Variants in PLEKHG1 observed in about 807,000 individuals in gnomAD.
PLEKHG1 encodes pleckstrin homology domain-containing family G member 1.
A neutral mutation model predicts 100.8 loss-of-function variants in PLEKHG1; 44 were observed. That is an observed-to-expected ratio of 0.44 (90% CI 0.34 to 0.56). PLEKHG1 has a LOEUF of 0.56. Ranked by LOEUF, PLEKHG1 falls within the 20% of genes least tolerant of loss-of-function variation. The pLI, the probability that PLEKHG1 is intolerant of heterozygous loss-of-function variation, is 0.01. For synonymous variants in PLEKHG1, 640 were observed against 662.5 expected, an observed-to-expected ratio of 0.97 and a Z score of 0.52; for missense variants, 1,545 against 1,720.9, an observed-to-expected ratio of 0.90 and a Z score of 1.81.
chr6:150,653,462 G>T (rs991806945), intron 3 of PLEKHG1, among the ~76,000 whole-genome samples: 1 of 152,066 alleles, frequency 6.6e-6, no homozygotes, highest in Admixed American at 6.6e-5. Context: ...AAGTAAACAG[G>T]CTGGGCGCAG....
intron 3 of PLEKHG1, among the ~76,000 whole-genome samples, chr6:150,659,328 T>C (rs1472642690): frequency 6.6e-6 from 1 of 152,068 alleles, no homozygotes; most frequent in Non-Finnish European, 1.5e-5. Context: ...TTCTAAAAAG[T>C]ATTTTGGGTA....
chr6:150,649,943 C>T (rs1256509939), intron 2 of PLEKHG1, among the ~76,000 whole-genome samples: 2 of 151,824 alleles, frequency 1.3e-5, no homozygotes, highest in African/African-American at 4.8e-5. Flanking sequence ...GCCTGGGAGG[C>T]GGAGCTTGCA....
intron 1 of PLEKHG1, among the ~76,000 whole-genome samples, chr6:150,637,147 A>G (rs1237224675): frequency 6.6e-6 from 1 of 152,226 alleles, no homozygotes; most frequent in Non-Finnish European, 1.5e-5. Flanking sequence ...TAGCCAAACT[A>G]TGAATATGTT....
At chr6:150,813,142 A>G (rs906482142) in intron 10 of PLEKHG1, among the ~76,000 whole-genome samples, 1 of 152,014 alleles carries the variant, frequency 6.6e-6, no homozygotes, top group Non-Finnish European at 1.5e-5. Flanking sequence ...CATCTCTACT[A>G]AAAATACAAA....
At chr6:150,734,137 T>C (rs572357691) in intron 2 of PLEKHG1, 45 bp downstream of exon 3, 5 of 1,556,594 alleles carry the variant, frequency 3.2e-6, no homozygotes, top group Admixed American at 3.8e-5. Flanking sequence ...AGGAGAAATA[T>C]GCTTGCAAAA....
In PLEKHG1 at chr6:150,831,322, TGAG is replaced by T. The variant is rs1218752069; in HGVS notation, c.2215_2217del (p.Glu739del). ...AAAGCACGCATGAACTCCAAGCGGT[TGAG>T]GAGAACATCTATGACACCATAGGGC... On this transcript the variant is annotated inframe_deletion, in exon 15 of 16. Coordinates refer to ENST00000358517, the Ensembl canonical transcript of PLEKHG1. The surrounding 1 kb of genome is among the most constrained non-coding windows in gnomAD (Gnocchi z 4.1). 1 of 1,614,066 alleles carries T rather than the reference TGAG, an allele frequency of 6.2e-7. No individual in the cohort carries two copies. The highest frequency in any genetic ancestry group is 1.1e-5 in the South Asian group (1 of 91,078).
chr6:150,839,575 C>A (rs1026415221), intron 15 of PLEKHG1, among the ~76,000 whole-genome samples: 2 of 152,066 alleles, frequency 1.3e-5, no homozygotes, highest in Non-Finnish European at 2.9e-5. Flanking sequence ...CACTTGCAGA[C>A]CTGCTGTTGA....
intron 3 of PLEKHG1, chr6:150,652,152 G>C (rs1437054768): frequency 6.6e-6 from 1 of 152,094 alleles, no homozygotes; most frequent in Non-Finnish European, 1.5e-5. Flanking sequence ...TAACTTGGTG[G>C]TGTTGGTTCT....
intron 3 of PLEKHG1, among the ~76,000 whole-genome samples, chr6:150,702,100 A>T (rs185969112): frequency 7.9e-5 from 12 of 152,374 alleles, no homozygotes; most frequent in Non-Finnish European, 1.6e-4. Flanking sequence ...TAAAATATAA[A>T]ACTAAATTTT....
At chr6:150,734,007 C>G in exon 2 of PLEKHG1, 1 of 1,614,158 alleles carries the variant, frequency 6.2e-7, no homozygotes. Flanking sequence ...GCCACGAGCC[C>G]CAAGCTCCTC....
chr6:150,842,977 G>T (rs1265273200), exon 16 of PLEKHG1: 2 of 152,260 alleles, frequency 1.3e-5, no homozygotes, highest in African/African-American at 4.8e-5. Context: ...CTCCCAGAGT[G>T]CTGGGATTAC....
chr6:150,809,038 G>T, intron 7 of PLEKHG1, 67 bp from the exon 9 acceptor site: 8 of 1,371,846 alleles, frequency 5.8e-6, no homozygotes, highest in Non-Finnish European at 8.2e-6. Context: ...CTCAACAGAT[G>T]GGCCACCAAG....
At position 150,813,551 on chromosome 6, in the gene PLEKHG1, G is replaced by T. The variant is rs1441649378; in HGVS notation, c.1278+3817G>T. Among the ~76,000 whole-genome samples the T allele has an allele frequency of 2.6e-5, 4 of 152,264 alleles. 1 individual carries two copies. The East Asian group carries it at 7.7e-4, about 29-fold the overall frequency. On this transcript the variant is annotated intron_variant, in intron 10 of 15. Transcript: ENST00000358517. ...GGGTGGGGAGGGTGCCAGTGAGCAC[G>T]CAGTTGCAGTAATTGGGCATGACAT...
chr6:150,791,897 T>C (rs527832349), intron 4 of PLEKHG1, among the ~76,000 whole-genome samples: 9 of 152,292 alleles, frequency 5.9e-5, no homozygotes, highest in Admixed American at 2.0e-4. Flanking sequence ...ACACAGCAAA[T>C]ACATCTCTAA....
chr6:150,712,996 C>T (rs1781292863), intron 3 of PLEKHG1, among the ~76,000 whole-genome samples: 1 of 152,254 alleles, frequency 6.6e-6, no homozygotes, highest in Non-Finnish European at 1.5e-5. Context: ...TCCCACGCTG[C>T]TTCACAGCAC....
intron 2 of PLEKHG1, among the ~76,000 whole-genome samples, chr6:150,767,801 A>G (rs761182133): frequency 1.3e-5 from 2 of 152,198 alleles, no homozygotes; most frequent in African/African-American, 2.4e-5. Flanking sequence ...TTCATTGTTC[A>G]GCCTAGGGCA....
intron 2 of PLEKHG1, among the ~76,000 whole-genome samples, chr6:150,754,016 G>A (rs1272506857): frequency 1.3e-5 from 2 of 152,208 alleles, no homozygotes; most frequent in Non-Finnish European, 2.9e-5. Flanking sequence ...CCTACTAACT[G>A]TTGATACCAG....
exon 14 of PLEKHG1, chr6:150,823,672 A>C: frequency 6.2e-7 from 1 of 1,611,136 alleles, no homozygotes; most frequent in Non-Finnish European, 8.5e-7. Flanking sequence ...CAAGACATCC[A>C]AAAGGTAAGC....
At chr6:150,755,753 A>G (rs553658826) in intron 2 of PLEKHG1, among the ~76,000 whole-genome samples, 145 of 152,250 alleles carry the variant, frequency 9.5e-4, no homozygotes, top group Non-Finnish European at 1.3e-3. Flanking sequence ...ACCTCGCTAC[A>G]TCGGGAGCCA....
Sources: allele counts gnomAD v4.1 joint callset (sites outside exome capture counted in the v4.1 genomes callset), GRCh38; gene constraint gnomAD v4.1.1; non-coding constraint Gnocchi (gnomAD v3.1); transcripts MANE v1.5; gene names NCBI Gene and HGNC (gene_info 2026-07-23, HGNC 2026-07-21).